The following DDX23 variants were observed in gnomAD, a reference collection of about 807,000 sequenced individuals.
The protein encoded by DDX23 is probable ATP-dependent RNA helicase DDX23.
Under a neutral mutation model 102.7 loss-of-function variants are expected in DDX23, and 33 were observed. The observed-to-expected ratio is 0.32, with a 90% CI of 0.24 to 0.43. The LOEUF is 0.43. Ranked by LOEUF, DDX23 falls within the 20% of genes least tolerant of loss-of-function variation. The pLI is 1.00. For synonymous variants in DDX23, 352 were observed against 376.0 expected (o/e 0.94, Z 0.74); for missense variants, 549 against 1,086.6 (o/e 0.51, Z 6.96).
rs972275771 is a variant in DDX23, at chr12:48,833,769, CTTTT to C, written c.1561-254_1561-251del. 7.5e-5 allele frequency among the ~76,000 whole-genome samples: 11 copies of C among 145,962 alleles called. No individual in the cohort carries two copies. In the East Asian group the frequency reaches 1.8e-3, roughly 24 times the overall value. ...ACAGAGGAGGCAAAATCAGTAGAAA[CTTTT>C]TTTTTTTTGGCAAATCATTTCAGAT... is the stretch of plus-strand genomic sequence containing the variant. On this transcript the variant is annotated intron_variant, in intron 12 of 16. Transcript: ENST00000308025.
intron 3 of DDX23, among the ~76,000 whole-genome samples, chr12:48,841,165 C>T (rs1009005865): frequency 1.3e-5 from 2 of 152,016 alleles, no homozygotes; most frequent in Non-Finnish European, 2.9e-5. Context: ...GTGGCCGGAT[C>T]ACCTAAGGTC....
chr12:48,845,493 G>A lies in DDX23; in HGVS notation c.209+81C>T, dbSNP rs532068587. 245 of 1,451,628 alleles carry A rather than the reference G, an allele frequency of 1.7e-4. No individual in the cohort carries two copies. In the African/African-American group the frequency reaches 3.1e-3, roughly 18 times the overall value. The allele number at this position is 1,451,628 out of a possible 1,614,324, so 89.9% of individuals were successfully genotyped here. On this transcript the variant is annotated intron_variant, in intron 2 of 16. Coordinates refer to ENST00000308025, the MANE Select transcript of DDX23 (RefSeq NM_004818.3). The stretch of plus-strand genomic sequence containing the variant: ...AAATAAAAAGTAGATGCCTAATACT[G>A]GAGGCATCAGAAGAACCAAGAAGGA...
In DDX23 at chr12:48,832,959, AAAG is replaced by A; in HGVS notation, c.1803+315_1803+317del. On this transcript the variant is annotated intron_variant, in intron 13 of 16. Transcript: ENST00000308025. This position sits in a 1 kb window ranked among gnomAD's most constrained non-coding sequence, Gnocchi z 4.4. ...GCCCACCTAAGGCAAGAAAGGCCCA[AAAG>A]GAGGTTGGCAACCTTGTACAACTTT... The A allele has an allele frequency of 2.2e-6, 1 of 460,526 alleles. No individual in the cohort carries two copies. Among genetic ancestry groups the A allele is most frequent in the Non-Finnish European group, 3.9e-6 (1 of 255,670 alleles). The allele number at this position is 460,526 out of a possible 1,614,324, so 28.5% of individuals were successfully genotyped here.
At chr12:48,845,433 TAACA>T (rs1267389301) in intron 2 of DDX23, 137 bp downstream of exon 2, 7 of 958,998 alleles carry the variant, frequency 7.3e-6, no homozygotes, top group South Asian at 1.7e-5. Flanking sequence ...CCAGTCTGGG[TAACA>T]AACAGAGCGA....
At position 48,832,194 on chromosome 12, in the gene DDX23, G is replaced by A. The variant is rs1252704218; in HGVS notation, c.1956-8C>T. 1 of 1,613,840 alleles carries A rather than the reference G, an allele frequency of 6.2e-7. No individual in the cohort carries two copies. Among genetic ancestry groups the A allele is most frequent in the Admixed American group, 1.7e-5 (1 of 59,968 alleles). On this transcript the variant is annotated splice_region_variant and splice_polypyrimidine_tract_variant and intron_variant, in intron 14 of 16. Coordinates refer to ENST00000308025, the MANE Select transcript of DDX23 (RefSeq NM_004818.3). The surrounding 1 kb of genome is among the most constrained non-coding windows in gnomAD (Gnocchi z 4.4). ...ATTGCCAGCAGCTTTTTCCTGGAAG[G>A]AAGAGGAGAAAAACAAGATGCATAA...
chr12:48,842,176 G>A (rs985995082), intron 3 of DDX23, among the ~76,000 whole-genome samples: 5 of 107,390 alleles, frequency 4.7e-5, no homozygotes, highest in African/African-American at 9.4e-5. Flanking sequence ...AGGGAGGTGG[G>A]GGGGGTTAGC....
In DDX23 at chr12:48,846,758, C is replaced by T. The variant is rs1020753603; in HGVS notation, c.1-976G>A. ...GGTTGCAGAAGTCCTGATTGACATT[C>T]CCTATTCAGATTTTCACAACCTTGG... On this transcript the variant is annotated intron_variant, in intron 1 of 16. Coordinates refer to ENST00000308025, the MANE Select transcript of DDX23 (RefSeq NM_004818.3). Among the ~76,000 whole-genome samples the T allele has an allele frequency of 3.3e-5, 5 of 152,168 alleles. No individual in the cohort carries two copies. In the South Asian group the frequency reaches 8.3e-4, roughly 25 times the overall value.
chr12:48,842,952 A>G, intron 3 of DDX23, among the ~76,000 whole-genome samples: 1 of 150,252 alleles, frequency 6.7e-6, no homozygotes, highest in African/African-American at 2.4e-5. Flanking sequence ...GTTCTGTACT[A>G]AGAAAAATTC....
Position 48,837,565 on chromosome 12 carries a change from G to A in DDX23, c.712C>T (p.Arg238Trp). The A allele has an allele frequency of 1.2e-6, 2 of 1,614,048 alleles. No individual in the cohort carries two copies. The highest frequency in any genetic ancestry group is 1.7e-6 in the Non-Finnish European group (2 of 1,180,010). ...TCCTTGCTCTTATCCTTCTCTTCCC[G>A]GATCTTCTGCCGCCCTTCCTCATCC... Reference protein sequence around the residue: ...NEDEEGRQKIREEKDKSKELH... With the variant: ...NEDEEGRQKIWEEKDKSKELH... The change falls in exon 7 of 17, where the codon CGG becomes TGG. Residue 238 changes from arginine (R) to tryptophan (W), a missense_variant. By Grantham distance (101) the Arg-to-Trp change is moderately radical. Around this residue, in one of 4 missense-constraint regions of DDX23, gnomAD observed 270 missense variants for 707.0 expected, o/e 0.38. Transcript: ENST00000308025.
intron 2 of DDX23, among the ~76,000 whole-genome samples, chr12:48,844,346 T>C (rs1938626230): frequency 6.6e-6 from 1 of 151,856 alleles, no homozygotes; most frequent in Non-Finnish European, 1.5e-5. Context: ...TGGTGTGATC[T>C]CGGCTCACTG....
At chr12:48,847,791 G>A (rs925835341) in intron 1 of DDX23, among the ~76,000 whole-genome samples, 2 of 152,126 alleles carry the variant, frequency 1.3e-5, no homozygotes, top group Non-Finnish European at 2.9e-5. Flanking sequence ...ACCCCAGTCT[G>A]GGTGACAGGG....
intron 3 of DDX23, among the ~76,000 whole-genome samples, chr12:48,842,204 GC>G (rs1402219542): frequency 6.7e-6 from 1 of 149,020 alleles, no homozygotes; most frequent in African/African-American, 2.5e-5. Flanking sequence ...CCGGCCAGCC[GC>G]CCCGTCCAGG....
chr12:48,848,511 T>C (rs1938706447), intron 1 of DDX23, among the ~76,000 whole-genome samples: 1 of 152,112 alleles, frequency 6.6e-6, no homozygotes, highest in African/African-American at 2.4e-5. Flanking sequence ...AAGAGGGCCA[T>C]GAAAAGATCA....
chr12:48,836,379 TCA>T lies in DDX23; in HGVS notation c.1237-115_1237-114del. ...ACAATGGAAGGATGCCAAGTACAGT[TCA>T]CAGAAATAGGGACCCCAAGAAGAAA... On this transcript the variant is annotated intron_variant, in intron 10 of 16. Transcript: ENST00000308025. This position sits in a 1 kb window ranked among gnomAD's most constrained non-coding sequence, Gnocchi z 6.1. The T allele has an allele frequency of 7.3e-7, 1 of 1,375,742 alleles. No homozygotes were observed. Among genetic ancestry groups the T allele is most frequent in the Non-Finnish European group, 1.0e-6 (1 of 987,800 alleles). 85.2% of individuals were successfully genotyped at this position (1,375,742 alleles called of 1,614,324 possible).
In DDX23 at chr12:48,836,345, T is replaced by A. The variant is rs1938467757; in HGVS notation, c.1237-79A>T. On this transcript the variant is annotated intron_variant, in intron 10 of 16. Transcript: ENST00000308025. This position sits in a 1 kb window ranked among gnomAD's most constrained non-coding sequence, Gnocchi z 6.1. ...GCAACCACTGATAGTAGTAAGCACATCTGCTAGCACAATGGAAGGATGCCA... is the reference window on the plus strand; with the variant it reads ...GCAACCACTGATAGTAGTAAGCACAACTGCTAGCACAATGGAAGGATGCCA... 1 of 1,517,296 alleles carries A rather than the reference T, an allele frequency of 6.6e-7. No individual in the cohort carries two copies. Among genetic ancestry groups the A allele is most frequent in the Non-Finnish European group, 9.1e-7 (1 of 1,098,014 alleles). The allele number at this position is 1,517,296 out of a possible 1,614,324, so 94.0% of individuals were successfully genotyped here.
rs1196409169 is a variant in DDX23 at position 48,837,564 on chromosome 12, C to T, written c.713G>A (p.Arg238Gln). The change falls in exon 7 of 17, where the codon CGG becomes CAG. Residue 238 changes from arginine to glutamine, a missense_variant. By Grantham distance (43) the Arg-to-Gln change is conservative. Transcript: ENST00000308025. ...NEDEEGRQKI[R>Q]EEKDKSKELH... ...TTCCTTGCTCTTATCCTTCTCTTCC[C>T]GGATCTTCTGCCGCCCTTCCTCATC... 3 of 1,614,014 alleles carry T rather than the reference C, an allele frequency of 1.9e-6. No individual in the cohort carries two copies. Among genetic ancestry groups the T allele is most frequent in the African/African-American group, 2.7e-5 (2 of 74,900 alleles).
chr12:48,842,685 C>T (rs1186743539), intron 3 of DDX23, among the ~76,000 whole-genome samples: 1 of 149,164 alleles, frequency 6.7e-6, no homozygotes, highest in African/African-American at 2.5e-5. Flanking sequence ...GGGGGGTCAG[C>T]CCCCCGCCCG....
At chr12:48,845,236 G>A (rs539409292) in intron 2 of DDX23, among the ~76,000 whole-genome samples, 19 of 151,400 alleles carry the variant, frequency 1.3e-4, no homozygotes, top group South Asian at 1.0e-3. Context: ...GGCAGATCAC[G>A]TCAGGAGATC....
At chr12:48,845,219 T>A (rs1938644534) in intron 2 of DDX23, among the ~76,000 whole-genome samples, 2 of 150,224 alleles carry the variant, frequency 1.3e-5, no homozygotes. Context: ...TTGGGGAGGC[T>A]GAAGCAGGCA....
Sources: allele counts gnomAD v4.1 joint callset (sites outside exome capture counted in the v4.1 genomes callset), GRCh38; gene constraint gnomAD v4.1.1; regional missense constraint gnomAD v4.1.1; non-coding constraint Gnocchi (gnomAD v3.1); transcripts MANE v1.5; gene names NCBI Gene and HGNC (gene_info 2026-07-23, HGNC 2026-07-21).